Variants in GRM7 observed in about 807,000 individuals in gnomAD.
The protein encoded by GRM7 is metabotropic glutamate receptor 7.
A neutral mutation model predicts 84.5 loss-of-function variants in GRM7; 35 were observed. The observed-to-expected ratio is 0.41, with a 90% CI of 0.32 to 0.55. The LOEUF (loss-of-function observed/expected upper bound fraction) is 0.55, where lower values mean the gene tolerates loss of function less well. Ranked by LOEUF, GRM7 falls within the 20% of genes least tolerant of loss-of-function variation. The pLI is 0.19. For synonymous variants in GRM7, 487 were observed against 455.1 expected, an observed-to-expected ratio of 1.07 and a Z score of -0.89; for missense variants, 1,003 against 1,194.6, an observed-to-expected ratio of 0.84 and a Z score of 2.36.
chr3:7,561,349 A>C (rs1237944341), intron 7 of GRM7: 3 of 325,164 alleles, frequency 9.2e-6, no homozygotes, highest in Non-Finnish European at 1.9e-5. Flanking sequence ...TTATACTGTG[A>C]TGCTGAGATC....
chr3:6,992,721 C>T (rs1575108070), intron 1 of GRM7, among the ~76,000 whole-genome samples: 1 of 152,140 alleles, frequency 6.6e-6, no homozygotes, highest in Non-Finnish European at 1.5e-5. Context: ...TGAAGAAAAG[C>T]AGCCACTGCC....
At chr3:7,708,763 C>T (rs909947291) in intron 9 of GRM7, among the ~76,000 whole-genome samples, 4 of 151,948 alleles carry the variant, frequency 2.6e-5, no homozygotes, top group Non-Finnish European at 5.9e-5. Flanking sequence ...TCCCAGCAGC[C>T]GGGTAGGATC....
chr3:7,117,752 G>C (rs997687903), intron 1 of GRM7, among the ~76,000 whole-genome samples: 4 of 152,170 alleles, frequency 2.6e-5, no homozygotes, highest in African/African-American at 9.7e-5. Flanking sequence ...AGTCAATCGA[G>C]GCCTCCGTGT....
chr3:7,340,054 A>G (rs934967074), intron 4 of GRM7, among the ~76,000 whole-genome samples: 2 of 152,174 alleles, frequency 1.3e-5, no homozygotes, highest in African/African-American at 2.4e-5. Context: ...CTAACACTCA[A>G]AAGTTCAAGA....
At chr3:7,463,061 A>C (rs1238804508) in intron 7 of GRM7, among the ~76,000 whole-genome samples, 2 of 152,214 alleles carry the variant, frequency 1.3e-5, no homozygotes, top group Non-Finnish European at 2.9e-5. Context: ...ACACACTCAA[A>C]GTGTGTTTTT....
At chr3:7,121,828 G>A (rs1031156261) in intron 1 of GRM7, among the ~76,000 whole-genome samples, 7 of 152,160 alleles carry the variant, frequency 4.6e-5, no homozygotes, top group Non-Finnish European at 5.9e-5. Context: ...AATCCCCAAC[G>A]CAACATATTG....
intron 5 of GRM7, among the ~76,000 whole-genome samples, chr3:7,425,347 G>C (rs1696563721): frequency 6.6e-6 from 1 of 152,188 alleles, no homozygotes; most frequent in South Asian, 2.1e-4. Context: ...TCTGTACAAA[G>C]AGAAAAGACA....
At chr3:7,352,268 G>A (rs1320346516) in intron 4 of GRM7, among the ~76,000 whole-genome samples, 3 of 152,080 alleles carry the variant, frequency 2.0e-5, no homozygotes, top group African/African-American at 7.2e-5. Context: ...CAGAACAAAT[G>A]CATTTGATAT....
intron 5 of GRM7, among the ~76,000 whole-genome samples, chr3:7,444,423 ATC>A (rs1441924253): frequency 6.6e-6 from 1 of 152,178 alleles, no homozygotes; most frequent in African/African-American, 2.4e-5. Flanking sequence ...TTGAAACTGA[ATC>A]TCTGTGCTTC....
intron 1 of GRM7, among the ~76,000 whole-genome samples, chr3:7,127,215 C>T (rs1693430960): frequency 1.3e-5 from 2 of 152,324 alleles, no homozygotes; most frequent in East Asian, 1.9e-4. Context: ...ACATTTACTC[C>T]ATATTGACAG....
intron 7 of GRM7, among the ~76,000 whole-genome samples, chr3:7,534,491 T>C (rs1427722635): frequency 6.6e-6 from 1 of 152,150 alleles, no homozygotes; most frequent in East Asian, 1.9e-4. Flanking sequence ...TAATTCCATA[T>C]CTTGTGTTTT....
At chr3:7,698,068 G>A (rs1026268238) in intron 9 of GRM7, among the ~76,000 whole-genome samples, 1 of 152,194 alleles carries the variant, frequency 6.6e-6, no homozygotes, top group Non-Finnish European at 1.5e-5. Flanking sequence ...AGAGCAAGCC[G>A]TAGCTCCTCC....
At chr3:7,287,482 C>T (rs1217759039) in intron 2 of GRM7, among the ~76,000 whole-genome samples, 1 of 152,142 alleles carries the variant, frequency 6.6e-6, no homozygotes, top group Non-Finnish European at 1.5e-5. Context: ...CCAAAGTCAT[C>T]TGCTTTGATC....
At chr3:7,267,343 T>A (rs1461268799) in intron 2 of GRM7, among the ~76,000 whole-genome samples, 2 of 152,250 alleles carry the variant, frequency 1.3e-5, no homozygotes, top group African/African-American at 4.8e-5. Flanking sequence ...AAAAGCATTT[T>A]TCCTAGTGAA....
chr3:7,319,434 G>C (rs936693155), intron 4 of GRM7, among the ~76,000 whole-genome samples: 1 of 152,016 alleles, frequency 6.6e-6, no homozygotes, highest in African/African-American at 2.4e-5. Context: ...ATGTGATGGA[G>C]ATTTTGGCAG....
At chr3:7,646,850 C>A (rs1698669374) in intron 8 of GRM7, among the ~76,000 whole-genome samples, 1 of 152,154 alleles carries the variant, frequency 6.6e-6, no homozygotes, top group Non-Finnish European at 1.5e-5. Context: ...TGGGCTGTTT[C>A]ATTAATCAGA....
In GRM7 at chr3:7,658,128, G is replaced by A. The variant is rs116460380; in HGVS notation, c.2452-21921G>A. On this transcript the variant is annotated intron_variant, in intron 8 of 9. Coordinates refer to ENST00000357716, the MANE Select transcript of GRM7 (RefSeq NM_000844.4). ...TATTCCTTATGGCTGCATGGAGGAA[G>A]AATGGGGATGTGTGTATACATCCAT... Among the ~76,000 whole-genome samples, 1,497 of 152,298 alleles carry A rather than the reference G, an allele frequency of 9.8e-3. 19 individuals are homozygous for A. Among genetic ancestry groups the A allele is most frequent in the Middle Eastern group, 0.027 (8 of 292 alleles).
intron 1 of GRM7, among the ~76,000 whole-genome samples, chr3:7,040,272 G>A (rs1332940614): frequency 1.3e-5 from 2 of 151,734 alleles, no homozygotes; most frequent in Admixed American, 6.6e-5. Flanking sequence ...AGTGGAGTGC[G>A]TTTCATGATT....
At chr3:7,230,827 G>T (rs893427145) in intron 2 of GRM7, among the ~76,000 whole-genome samples, 2 of 152,148 alleles carry the variant, frequency 1.3e-5, no homozygotes, top group Admixed American at 1.3e-4. Context: ...GGGTTGTGAA[G>T]GTACGAGTAA....
Sources: allele counts gnomAD v4.1 joint callset (sites outside exome capture counted in the v4.1 genomes callset), GRCh38; gene constraint gnomAD v4.1.1; transcripts MANE v1.5; gene names NCBI Gene and HGNC (gene_info 2026-07-23, HGNC 2026-07-21).